ARAP2: variants seen among roughly 807,000 people sequenced by gnomAD.
The protein encoded by ARAP2 is arf-GAP with Rho-GAP domain, ANK repeat and PH domain-containing protein 2.
ARAP2 carries 148 observed loss-of-function variants against 194.5 expected under a neutral mutation model. The observed-to-expected ratio is 0.76, with a 90% CI of 0.67 to 0.87. The LOEUF is 0.87. Among genes scored for constraint, ARAP2 ranks in the 40% least tolerant of loss-of-function variants. The pLI is 0.00. For missense variants in ARAP2, 2,128 were observed against 1,989.7 expected, an observed-to-expected ratio of 1.07 and a Z score of -1.32; for synonymous variants, 695 against 683.5, an observed-to-expected ratio of 1.02 and a Z score of -0.26.
chr4:36,014,360 A>C (rs911352558), intron 8 of ARAP2, among the ~76,000 whole-genome samples: 1 of 141,768 alleles, frequency 7.1e-6, no homozygotes, highest in Non-Finnish European at 1.5e-5. Flanking sequence ...GAAAGAAAGA[A>C]AGAAAGAAAG....
chr4:36,017,564 T>TAAAA (rs71199694), intron 6 of ARAP2, among the ~76,000 whole-genome samples: 520 of 42,566 alleles, frequency 0.012, 90 homozygotes, highest in African/African-American at 0.057. Flanking sequence ...AAGAAAGTGG[T>TAAAA]AAAAAAAAAA....
intron 9 of ARAP2, among the ~76,000 whole-genome samples, chr4:36,173,755 T>A (rs1460826594): frequency 6.6e-6 from 1 of 152,198 alleles, no homozygotes; most frequent in Non-Finnish European, 1.5e-5. Flanking sequence ...AAGTTCACCC[T>A]ACCTATGTTT....
chr4:36,149,193 C>A (rs1274961845), intron 16 of ARAP2, among the ~76,000 whole-genome samples: 1 of 152,126 alleles, frequency 6.6e-6, no homozygotes, highest in Admixed American at 6.6e-5. Context: ...CTCTTTTCCA[C>A]CCCAAGCCTG....
At chr4:36,086,215 A>G (rs1024162734) in intron 28 of ARAP2, among the ~76,000 whole-genome samples, 1 of 152,130 alleles carries the variant, frequency 6.6e-6, no homozygotes, top group Non-Finnish European at 1.5e-5. Context: ...TGGGGAAGAT[A>G]GGACTTGCAT....
intron 26 of ARAP2, among the ~76,000 whole-genome samples, chr4:36,113,784 C>A (rs562513415): frequency 6.6e-6 from 1 of 151,858 alleles, no homozygotes; most frequent in Non-Finnish European, 1.5e-5. Flanking sequence ...AAAAATGAAG[C>A]TTCTGCTGCT....
intron 9 of ARAP2, among the ~76,000 whole-genome samples, chr4:36,008,713 A>G (rs1017366985): frequency 6.6e-6 from 1 of 152,158 alleles, no homozygotes; most frequent in African/African-American, 2.4e-5. Context: ...GATGTAATTA[A>G]AGAGTTTCTG....
rs781702569 is a variant in ARAP2, at chr4:36,092,056, C to T, written c.4286-36G>A. The T allele has an allele frequency of 2.8e-5, 41 of 1,459,212 alleles. No individual in the cohort carries two copies. The South Asian group carries it at 4.0e-4, about 14-fold the overall frequency. The allele number at this position is 1,459,212 out of a possible 1,614,324, so 90.4% of individuals were successfully genotyped here. On this transcript the variant is annotated intron_variant, in intron 27 of 32. Transcript: ENST00000303965. ...CAGCATTACTTTTGTGAGTTGGGTA[C>T]GTTTTTACTTATTTGAAATACAATA...
chr4:36,138,841 C>A (rs954803380), intron 19 of ARAP2, among the ~76,000 whole-genome samples: 10 of 151,724 alleles, frequency 6.6e-5, no homozygotes, highest in Non-Finnish European at 1.5e-4. Context: ...TCCCACCATA[C>A]TTGCCAACAC....
chr4:36,188,289 C>G lies in ARAP2; in HGVS notation c.1558-718G>C, dbSNP rs1277449179. Among the ~76,000 whole-genome samples the G allele has an allele frequency of 2.0e-5, 3 of 152,018 alleles. No homozygotes were observed. In the East Asian group the frequency reaches 5.8e-4, roughly 29 times the overall value. ...TCAACTCTTTATGTTTTCTGGGCCC[C>G]GTGTTGGAAAGAAAATTCAGAGTGC... On this transcript the variant is annotated intron_variant, in intron 7 of 32. Coordinates refer to ENST00000303965, the MANE Select transcript of ARAP2 (RefSeq NM_015230.4).
chr4:36,017,053 A>T (rs1715944580), intron 6 of ARAP2, among the ~76,000 whole-genome samples: 1 of 152,020 alleles, frequency 6.6e-6, no homozygotes, highest in Admixed American at 6.6e-5. Flanking sequence ...ATGCTATTTG[A>T]AATTGCACAA....
At chr4:36,162,473 GC>G (rs1173486191) in intron 11 of ARAP2, among the ~76,000 whole-genome samples, 1 of 152,036 alleles carries the variant, frequency 6.6e-6, no homozygotes, top group African/African-American at 2.4e-5. Flanking sequence ...GAGCAACCAG[GC>G]TATGTCAGAT....
intron 22 of ARAP2, among the ~76,000 whole-genome samples, chr4:36,122,209 C>A (rs912088988): frequency 1.3e-5 from 2 of 151,654 alleles, no homozygotes; most frequent in African/African-American, 4.8e-5. Flanking sequence ...GACAGTGTGG[C>A]AATTTCTCAA....
At chr4:36,038,131 C>A (rs758698537) in intron 5 of ARAP2, among the ~76,000 whole-genome samples, 6 of 152,160 alleles carry the variant, frequency 3.9e-5, no homozygotes, top group Non-Finnish European at 7.3e-5. Flanking sequence ...CCTTAGACAA[C>A]CACTAATACC....
chr4:36,243,094 T>TAAAA (rs34480407), intron 1 of ARAP2, among the ~76,000 whole-genome samples: 18 of 148,270 alleles, frequency 1.2e-4, no homozygotes, highest in African/African-American at 3.7e-4. Flanking sequence ...AAATAAGAGT[T>TAAAA]AAAAAAAAAA....
intron 7 of ARAP2, among the ~76,000 whole-genome samples, 166 bp downstream of exon 7, chr4:36,193,412 T>A (rs1274073254): frequency 6.6e-6 from 1 of 152,222 alleles, no homozygotes; most frequent in East Asian, 1.9e-4. Context: ...ACAAAAATCA[T>A]CTGATTTTAA....
In ARAP2 at chr4:36,160,577, T is replaced by A; in HGVS notation, c.2324A>T (p.Glu775Val). 6.5e-7 allele frequency: 1 copy of A among 1,542,144 alleles called. No individual in the cohort carries two copies. The highest frequency in any genetic ancestry group is 8.7e-7 in the Non-Finnish European group (1 of 1,154,366). Residue 775 changes from glutamate (E) to valine (V), a missense_variant, in exon 13 of 33, where the codon GAA becomes GTA. Transcript: ENST00000303965. Reference sequence around the variant, plus strand: ...TACTGGTGAGTCCATATGTAATTCTTCATCCTTTTGAAGATTACCAGCCCA... The same window carrying A: ...TACTGGTGAGTCCATATGTAATTCTACATCCTTTTGAAGATTACCAGCCCA... The part of the protein sequence containing the change: ...DFWAGNLQKD[E>V]ELHMDSPVEK...
intron 3 of ARAP2, among the ~76,000 whole-genome samples, chr4:36,051,526 C>T (rs1039911499): frequency 1.3e-5 from 2 of 151,762 alleles, no homozygotes; most frequent in East Asian, 1.9e-4. Context: ...TAAATAAATA[C>T]ATAAATACAC....
chr4:36,159,432 A>G lies in ARAP2; in HGVS notation c.2516T>C (p.Met839Thr), dbSNP rs1391772407. Residue 839 changes from methionine (M) to threonine (T), a missense_variant, in exon 14 of 33, where the codon ATG becomes ACG. By Grantham distance (81) the Met-to-Thr change is moderately conservative. Transcript: ENST00000303965. ...MALLFSGADVMCATGDPVHST... is the reference protein window; with the variant it reads ...MALLFSGADVTCATGDPVHST... ...ATGCACGGGGTCTCCGGTGGCACAC[A>G]TGACATCTGCTCCACTGAACAGCAA... The G allele has an allele frequency of 1.9e-6, 3 of 1,611,098 alleles. No individual in the cohort carries two copies. Among genetic ancestry groups the G allele is most frequent in the Admixed American group, 1.7e-5 (1 of 59,830 alleles).
chr4:36,150,588 G>A (rs950075094), intron 16 of ARAP2, among the ~76,000 whole-genome samples: 1 of 151,804 alleles, frequency 6.6e-6, no homozygotes, highest in Non-Finnish European at 1.5e-5. Flanking sequence ...GTTGCAGTGA[G>A]CCGAGATCGC....
Sources: gnomAD v4.1 joint callset for allele counts (sites outside exome capture counted in the v4.1 genomes callset) on GRCh38, gnomAD v4.1.1 for gene constraint, MANE v1.5 for transcripts, NCBI Gene and HGNC (gene_info 2026-07-23, HGNC 2026-07-21) for gene names.